The following DAAM2 variants were observed in gnomAD, a reference collection of about 807,000 sequenced individuals.
DAAM2 encodes the protein dishevelled associated activator of morphogenesis 2.
In DAAM2, 39 loss-of-function variants were observed where a neutral mutation model predicts 120.7. That is an observed-to-expected ratio of 0.32 (90% confidence interval 0.25 to 0.42). The LOEUF (loss-of-function observed/expected upper bound fraction) is 0.42, where lower values mean the gene tolerates loss of function less well. Ranked by LOEUF, DAAM2 falls within the 10% of genes least tolerant of loss-of-function variation. DAAM2 has a pLI of 1.00. For synonymous variants in DAAM2, 488 were observed against 524.9 expected (o/e 0.93, Z 0.96); for missense variants, 1,283 against 1,401.7 (o/e 0.92, Z 1.35).
At chr6:39,844,347 A>G (rs1763477652) in intron 1 of DAAM2, among the ~76,000 whole-genome samples, 1 of 151,880 alleles carries the variant, frequency 6.6e-6, no homozygotes, top group Non-Finnish European at 1.5e-5. Flanking sequence ...TATACACCCA[A>G]GGGAAACCCA....
chr6:39,900,131 G>C lies in DAAM2; in HGVS notation c.2734G>C (p.Val912Leu). The C allele has an allele frequency of 6.2e-7, 1 of 1,602,084 alleles. No homozygotes were observed. The highest frequency in any genetic ancestry group is 8.5e-7 in the Non-Finnish European group (1 of 1,174,396). The change falls in exon 23 of 25, where the codon GTC (valine) becomes CTC (leucine). Residue 912 changes from valine (V) to leucine (L), a missense_variant. Around this residue, in one of 3 missense-constraint regions of DAAM2, gnomAD observed 748 missense variants for 768.6 expected, o/e 0.97. Coordinates refer to ENST00000274867, the MANE Select transcript of DAAM2 (RefSeq NM_001201427.2). ...GGAGCCCAGTGACAAGTTTGTCCCTGTCATGAGCGACTTCATCACGGTGTC... is the reference window on the plus strand; with the variant it reads ...GGAGCCCAGTGACAAGTTTGTCCCTCTCATGAGCGACTTCATCACGGTGTC... ...VREPSDKFVP[V>L]MSDFITVSSF...
intron 1 of DAAM2, among the ~76,000 whole-genome samples, chr6:39,842,243 C>T (rs183379357): frequency 1.6e-3 from 250 of 152,116 alleles, no homozygotes; most frequent in Non-Finnish European, 2.7e-3. Flanking sequence ...GAAGAGCTCA[C>T]GGAGGACTGA....
In DAAM2 at chr6:39,903,732, G is replaced by A. The variant is rs974576957; in HGVS notation, c.*1695G>A. ...TCACTTGCATCCAACTCCTGGGGCT[G>A]GGACCGTAGTAGCTGCGGGGGGGAA... On this transcript the variant is annotated 3_prime_UTR_variant, in exon 25 of 25. Coordinates refer to ENST00000274867, the MANE Select transcript of DAAM2 (RefSeq NM_001201427.2). 3 of 166,074 alleles carry A rather than the reference G, an allele frequency of 1.8e-5. No homozygotes were observed. Among genetic ancestry groups the A allele is most frequent in the African/African-American group, 7.2e-5 (3 of 41,618 alleles). The allele number at this position is 166,074 out of a possible 1,614,324, so 10.3% of individuals were successfully genotyped here.
chr6:39,802,471 G>A (rs1761893156), intron 1 of DAAM2, among the ~76,000 whole-genome samples: 1 of 152,176 alleles, frequency 6.6e-6, no homozygotes, highest in Non-Finnish European at 1.5e-5. Flanking sequence ...GAAAGTCCTT[G>A]AAATCATGTC....
intron 1 of DAAM2, among the ~76,000 whole-genome samples, chr6:39,847,072 A>G (rs2149265906): frequency 6.6e-6 from 1 of 152,268 alleles, no homozygotes; most frequent in Middle Eastern, 3.4e-3. Flanking sequence ...TCTGGTAGAA[A>G]GGCAGGAAGG....
At position 39,901,662 on chromosome 6, in the gene DAAM2, G is replaced by T; in HGVS notation, c.2983-151G>T. 7.4e-6 allele frequency: 7 copies of T among 942,578 alleles called. No homozygotes were observed. Among genetic ancestry groups the T allele is most frequent in the Non-Finnish European group, 1.1e-5 (7 of 649,658 alleles). 58.4% of individuals were successfully genotyped at this position (942,578 alleles called of 1,614,324 possible). On this transcript the variant is annotated intron_variant, in intron 24 of 24. Coordinates refer to ENST00000274867, the MANE Select transcript of DAAM2 (RefSeq NM_001201427.2). This position sits in a 1 kb window ranked among gnomAD's most constrained non-coding sequence, Gnocchi z 4.5. ...GGAAGAGAGTGGTGTGAAGCTGGGG[G>T]CCTGTATGTCCTAGGCAGGAAGAAA...
At chr6:39,826,457 T>G (rs1762675767) in intron 1 of DAAM2, among the ~76,000 whole-genome samples, 1 of 152,076 alleles carries the variant, frequency 6.6e-6, no homozygotes, top group African/African-American at 2.4e-5. Context: ...CTTAGGGTTT[T>G]GGGGGACTCT....
chr6:39,871,694 C>T (rs1764671074), intron 9 of DAAM2, 122 bp downstream of exon 9: 1 of 761,726 alleles, frequency 1.3e-6, no homozygotes, highest in East Asian at 2.7e-5. Context: ...CTGGTGGGCA[C>T]CCCCATGGCC....
chr6:39,829,409 G>C (rs572843792), intron 1 of DAAM2, among the ~76,000 whole-genome samples: 3 of 152,196 alleles, frequency 2.0e-5, no homozygotes, highest in Non-Finnish European at 2.9e-5. Context: ...GAGTGTGACT[G>C]TGGTGACCAT....
At chr6:39,862,262 T>G (rs1764241709) in intron 3 of DAAM2, 1 of 152,182 alleles carries the variant, frequency 6.6e-6, no homozygotes, top group Non-Finnish European at 1.5e-5. Flanking sequence ...GCACACGCTA[T>G]GAGCCATTGT....
chr6:39,806,445 A>G (rs879136221), intron 1 of DAAM2, among the ~76,000 whole-genome samples: 5 of 152,208 alleles, frequency 3.3e-5, no homozygotes, highest in Admixed American at 3.3e-4. Flanking sequence ...GGTGAAGGGT[A>G]TGATGAAATC....
At chr6:39,800,922 C>A (rs559882057) in intron 1 of DAAM2, among the ~76,000 whole-genome samples, 3 of 152,302 alleles carry the variant, frequency 2.0e-5, no homozygotes, top group South Asian at 4.1e-4. Flanking sequence ...CTGCTGCCCA[C>A]TGTACTCCAT....
Position 39,904,141 on chromosome 6 carries a change from A to G in DAAM2, c.*2104A>G, listed in dbSNP as rs374973701. 3 of 454,668 alleles carry G rather than the reference A, an allele frequency of 6.6e-6. No homozygotes were observed. Among genetic ancestry groups the G allele is most frequent in the East Asian group, 1.4e-4 (2 of 14,382 alleles). The allele number at this position is 454,668 out of a possible 1,614,324, so 28.2% of individuals were successfully genotyped here. On this transcript the variant is annotated 3_prime_UTR_variant, in exon 25 of 25. Transcript: ENST00000274867. ...ACCCACCATGGAAGACTGGATACGC[A>G]CCTGGAAACAAAAGGACTATGGAAG... is the stretch of plus-strand genomic sequence containing the variant.
Position 39,826,861 on chromosome 6 carries a change from T to G in DAAM2, c.-56-29386T>G, listed in dbSNP as rs548133469. ...GCACCTTCTCTTTTTAAAGAGAAGT[T>G]TCTAAGTACCCTTCAAGCTTCAAAG... On this transcript the variant is annotated intron_variant, in intron 1 of 24. Transcript: ENST00000274867. Among the ~76,000 whole-genome samples, 8 of 152,264 alleles carry G rather than the reference T, an allele frequency of 5.3e-5. 1 individual carries two copies. The South Asian group carries it at 8.3e-4, about 16-fold the overall frequency.
chr6:39,895,605 TAAAG>T (rs1408459557), intron 19 of DAAM2, among the ~76,000 whole-genome samples: 2 of 152,220 alleles, frequency 1.3e-5, no homozygotes, highest in Non-Finnish European at 2.9e-5. Flanking sequence ...AGCAGCATCT[TAAAG>T]AATGTTCAGT....
Position 39,879,458 on chromosome 6 carries a change from A to G in DAAM2, c.1826A>G (p.Asn609Ser). The G allele has an allele frequency of 1.2e-6, 2 of 1,614,048 alleles. No individual in the cohort carries two copies. The highest frequency in any genetic ancestry group is 1.7e-6 in the Non-Finnish European group (2 of 1,179,906). ...PQPSHPLKSFNWVKLNEERVP... is the reference protein window; with the variant it reads ...PQPSHPLKSFSWVKLNEERVP... ...CCTTCTCACCCACTGAAGTCCTTCA[A>G]CTGGGTGAAGCTGAATGAGGTGAGC... Residue 609 changes from asparagine (N) to serine (S), a missense_variant, in exon 14 of 25, where the codon AAC becomes AGC. By Grantham distance (46) the Asn-to-Ser change is conservative. Transcript: ENST00000274867.
chr6:39,800,835 T>C (rs753828258), intron 1 of DAAM2, among the ~76,000 whole-genome samples: 11 of 152,246 alleles, frequency 7.2e-5, no homozygotes, highest in Admixed American at 2.0e-4. Context: ...GAGCTTCATT[T>C]CTCCCTCTGC....
chr6:39,856,704 A>C (rs1250860739), intron 2 of DAAM2, among the ~76,000 whole-genome samples: 1 of 152,188 alleles, frequency 6.6e-6, no homozygotes, highest in African/African-American at 2.4e-5. Flanking sequence ...TCTGCATTGG[A>C]TTGTAGACCA....
chr6:39,808,940 G>A (rs1762087023), intron 1 of DAAM2, among the ~76,000 whole-genome samples: 1 of 152,216 alleles, frequency 6.6e-6, no homozygotes, highest in African/African-American at 2.4e-5. Flanking sequence ...AATCATGGGA[G>A]CGTGGTTTCT....
Sources: gnomAD v4.1 joint callset for allele counts (sites outside exome capture counted in the v4.1 genomes callset) on GRCh38, gnomAD v4.1.1 for gene constraint, gnomAD v4.1.1 regional missense constraint, Gnocchi (gnomAD v3.1) non-coding constraint, MANE v1.5 for transcripts, NCBI Gene and HGNC (gene_info 2026-07-23, HGNC 2026-07-21) for gene names.